Variants in DEPTOR observed in about 807,000 individuals in gnomAD.
DEPTOR encodes the protein DEP domain containing MTOR interacting protein.
Under a neutral mutation model 41.6 loss-of-function variants are expected in DEPTOR, and 41 were observed. The observed-to-expected ratio is 0.98, with a 90% CI of 0.77 to 1.28. The LOEUF (loss-of-function observed/expected upper bound fraction) is 1.28. Ranked by LOEUF, DEPTOR falls within the 50% of genes most tolerant of loss-of-function variation. The pLI is 0.00. For missense variants in DEPTOR, 514 were observed against 527.9 expected (o/e 0.97, Z 0.26); for synonymous variants, 195 against 192.3 (o/e 1.01, Z -0.12).
chr8:119,927,142 G>A (rs887633529), intron 1 of DEPTOR, among the ~76,000 whole-genome samples: 2 of 152,186 alleles, frequency 1.3e-5, no homozygotes, highest in Non-Finnish European at 2.9e-5. Context: ...AAAGGAGATA[G>A]GAGAATGAGA....
intron 8 of DEPTOR, among the ~76,000 whole-genome samples, chr8:120,039,370 A>T (rs527341599): frequency 1.2e-4 from 19 of 152,336 alleles, no homozygotes; most frequent in Non-Finnish European, 1.9e-4. Context: ...GCCCAAACAG[A>T]CGAAGACATG....
chr8:119,932,125 A>G (rs1828051916), intron 3 of DEPTOR, among the ~76,000 whole-genome samples: 1 of 151,486 alleles, frequency 6.6e-6, no homozygotes, highest in Non-Finnish European at 1.5e-5. Flanking sequence ...GGGAGTACAG[A>G]CTTATGCTAC....
intron 1 of DEPTOR, among the ~76,000 whole-genome samples, chr8:119,924,612 A>G (rs1827940977): frequency 6.6e-6 from 1 of 152,106 alleles, no homozygotes. Flanking sequence ...TGGTCATTTC[A>G]ATGGGTGGAG....
At position 119,873,815 on chromosome 8, in the gene DEPTOR, G is replaced by C. The variant is rs780770059; in HGVS notation, c.-32G>C. The C allele has an allele frequency of 1.2e-6, 2 of 1,606,822 alleles. No homozygotes were observed. Among genetic ancestry groups the C allele is most frequent in the Non-Finnish European group, 1.7e-6 (2 of 1,176,600 alleles). On this transcript the variant is annotated 5_prime_UTR_variant, in exon 1 of 9. Coordinates refer to ENST00000286234, the MANE Select transcript of DEPTOR (RefSeq NM_022783.4). ...AGCACCCAAACCCTCGGCGGACAGC[G>C]GAGCCAGTGGTAGCCGCACGGCCCT...
intron 8 of DEPTOR, among the ~76,000 whole-genome samples, chr8:120,014,514 CCTT>C (rs2130118114): frequency 6.6e-6 from 1 of 152,158 alleles, no homozygotes; most frequent in African/African-American, 2.4e-5. Context: ...GAAGCCAGTT[CCTT>C]CCCCAAGCTA....
At position 119,952,896 on chromosome 8, in the gene DEPTOR, A is replaced by G. The variant is rs74319021; in HGVS notation, c.426-12336A>G. Among the ~76,000 whole-genome samples the G allele has an allele frequency of 5.8e-3, 884 of 152,336 alleles. 11 individuals carry two copies. The highest frequency in any genetic ancestry group is 0.02 in the African/African-American group (839 of 41,592). On this transcript the variant is annotated intron_variant, in intron 3 of 8. Transcript: ENST00000286234. ...GGTAGAAGATCCTCGTTGTCAGACT[A>G]TAAAGTACTGTTTCTTCCCTTGTTC... is the stretch of plus-strand genomic sequence containing the variant.
At chr8:119,884,223 A>G (rs2129685913) in intron 1 of DEPTOR, among the ~76,000 whole-genome samples, 1 of 152,106 alleles carries the variant, frequency 6.6e-6, no homozygotes, top group South Asian at 2.1e-4. Flanking sequence ...ACACCTCACT[A>G]ATTTCTGTAT....
Position 120,029,072 on chromosome 8 carries a change from T to TAA in DEPTOR, c.1101+19952_1101+19953dup, listed in dbSNP as rs11413385. On this transcript the variant is annotated intron_variant, in intron 8 of 8. Coordinates refer to ENST00000286234, the MANE Select transcript of DEPTOR (RefSeq NM_022783.4). ...TGGGCAACAAGAGCAAAACTCCATC[T>TAA]AAAAAAAAAAAAAATCAATATTGCT... Among the ~76,000 whole-genome samples the TAA allele has an allele frequency of 5.0e-3, 729 of 146,448 alleles. 5 individuals are homozygous for TAA. Among genetic ancestry groups the TAA allele is most frequent in the African/African-American group, 9.7e-3 (385 of 39,874 alleles).
chr8:119,984,253 T>C (rs932658675), intron 4 of DEPTOR, among the ~76,000 whole-genome samples: 1 of 152,186 alleles, frequency 6.6e-6, no homozygotes, highest in Non-Finnish European at 1.5e-5. Context: ...GGGACGCTAC[T>C]AGGCCTTTTA....
At chr8:119,955,496 C>T (rs1396615723) in intron 3 of DEPTOR, among the ~76,000 whole-genome samples, 5 of 150,228 alleles carry the variant, frequency 3.3e-5, no homozygotes, top group African/African-American at 9.8e-5. Flanking sequence ...GTCAAAGTTT[C>T]GCTGTTATTG....
At chr8:119,927,037 A>G (rs1233039177) in intron 1 of DEPTOR, among the ~76,000 whole-genome samples, 1 of 152,178 alleles carries the variant, frequency 6.6e-6, no homozygotes, top group Non-Finnish European at 1.5e-5. Flanking sequence ...AATACTGACT[A>G]CTTAGCAGAC....
rs1159898041 is a variant in DEPTOR at position 120,021,116 on chromosome 8, G to A, written c.1101+11983G>A. Among the ~76,000 whole-genome samples, 4 of 82,532 alleles carry A rather than the reference G, an allele frequency of 4.8e-5. No individual in the cohort carries two copies. In the Admixed American group the frequency reaches 5.2e-4, roughly 11 times the overall value. 54.1% of individuals were successfully genotyped at this position (82,532 alleles called of 152,430 possible). On this transcript the variant is annotated intron_variant, in intron 8 of 8. Coordinates refer to ENST00000286234, the MANE Select transcript of DEPTOR (RefSeq NM_022783.4). Reference sequence around the variant, plus strand: ...GGCTGATAATAGTCATGATTAAATGGAATATGTGGGCCAGGTGCGGTGGCT... The same window carrying A: ...GGCTGATAATAGTCATGATTAAATGAAATATGTGGGCCAGGTGCGGTGGCT...
intron 1 of DEPTOR, among the ~76,000 whole-genome samples, chr8:119,905,750 C>T (rs1433669657): frequency 6.6e-6 from 1 of 151,648 alleles, no homozygotes; most frequent in Non-Finnish European, 1.5e-5. Context: ...AAGCGATTCT[C>T]CTGCCTCTCA....
chr8:120,021,392 A>G (rs1445923848), intron 8 of DEPTOR, among the ~76,000 whole-genome samples: 1 of 152,136 alleles, frequency 6.6e-6, no homozygotes, highest in African/African-American at 2.4e-5. Context: ...GACAAGAGTG[A>G]AATTTCGTCT....
intron 3 of DEPTOR, among the ~76,000 whole-genome samples, chr8:119,942,292 T>G (rs546384874): frequency 6.6e-6 from 1 of 152,216 alleles, no homozygotes; most frequent in African/African-American, 2.4e-5. Flanking sequence ...AATCTCCACC[T>G]CCTGGTGAGT....
intron 1 of DEPTOR, among the ~76,000 whole-genome samples, chr8:119,880,996 A>G (rs907654072): frequency 3.3e-5 from 5 of 152,208 alleles, no homozygotes; most frequent in Admixed American, 2.0e-4. Flanking sequence ...ATCTTATCCA[A>G]TCACTAAGGC....
At chr8:119,925,582 G>C (rs796136685) in intron 1 of DEPTOR, among the ~76,000 whole-genome samples, 2 of 152,036 alleles carry the variant, frequency 1.3e-5, no homozygotes, top group African/African-American at 2.4e-5. Context: ...TTTGGGTGGG[G>C]ACACAGTCAA....
At chr8:119,890,592 C>T (rs1827440378) in intron 1 of DEPTOR, among the ~76,000 whole-genome samples, 1 of 152,136 alleles carries the variant, frequency 6.6e-6, no homozygotes, top group East Asian at 1.9e-4. Flanking sequence ...CATGAGCCAC[C>T]GTGCCTGGCC....
chr8:119,931,674 C>G (rs1828045340), intron 3 of DEPTOR, among the ~76,000 whole-genome samples: 1 of 152,162 alleles, frequency 6.6e-6, no homozygotes, highest in Non-Finnish European at 1.5e-5. Flanking sequence ...GCTTTCTATA[C>G]TGAAATGGAG....
Sources: gnomAD v4.1 joint callset for allele counts (sites outside exome capture counted in the v4.1 genomes callset) on GRCh38, gnomAD v4.1.1 for gene constraint, MANE v1.5 for transcripts, NCBI Gene and HGNC (gene_info 2026-07-23, HGNC 2026-07-21) for gene names.